The following COX19 variants were observed in gnomAD, a reference collection of about 807,000 sequenced individuals.
COX19 encodes the protein cytochrome c oxidase assembly protein COX19.
A neutral mutation model predicts 6.8 loss-of-function variants in COX19; 8 were observed. The observed-to-expected ratio is 1.18, with a 90% CI of 0.69 to 2.12. The LOEUF is 2.12. Among genes scored for constraint, COX19 ranks in the 30% most tolerant of loss-of-function variants. The probability of loss-of-function intolerance (pLI) is 0.00; values close to 1 mark genes in which losing one functional copy is unlikely to be tolerated. For missense variants in COX19, 131 were observed against 104.6 expected (o/e 1.25, Z -1.10); for synonymous variants, 51 against 38.0 (o/e 1.34, Z -1.26).
chr7:973,217 T>C lies in COX19; in HGVS notation c.158A>G (p.Lys53Arg), dbSNP rs779327518. The change falls in exon 2 of 3, where the codon AAG (lysine) becomes AGG (arginine). Residue 53 changes from lysine (K) to arginine (R), a missense_variant. Transcript: ENST00000344111. ...NNNFENALCRKESKEYLECRM... is the reference protein window; with the variant it reads ...NNNFENALCRRESKEYLECRM... ...GCATTCTAAATATTCTTTTGATTCC[T>C]TTCTGCACAAAGCATTTTCAAAATT... 6.2e-7 allele frequency: 1 copy of C among 1,605,718 alleles called. No homozygotes were observed. Among genetic ancestry groups the C allele is most frequent in the Admixed American group, 1.7e-5 (1 of 58,552 alleles).
Position 975,407 on chromosome 7 carries a change from C to A in COX19, c.82+21G>T. 4 of 1,565,844 alleles carry A rather than the reference C, an allele frequency of 2.6e-6. No individual in the cohort carries two copies. The South Asian group carries it at 3.5e-5, about 14-fold the overall frequency. On this transcript the variant is annotated intron_variant, in intron 1 of 2. Transcript: ENST00000344111. ...AGACCCCCCATCGCAGACCCCTGCC[C>A]GCCGACCTTCCGCCGCTCACCTAAG...
At chr7:971,274 C>T (rs1460490666) in intron 2 of COX19, among the ~76,000 whole-genome samples, 1 of 152,362 alleles carries the variant, frequency 6.6e-6, no homozygotes, top group South Asian at 2.1e-4. Flanking sequence ...ATTTTCACAT[C>T]AGGCAAACAT....
At chr7:974,042 T>C (rs1043078100) in intron 1 of COX19, among the ~76,000 whole-genome samples, 1 of 144,900 alleles carries the variant, frequency 6.9e-6, no homozygotes, top group East Asian at 2.0e-4. Flanking sequence ...AAAAAAACAA[T>C]AATAATTAGC....
At position 975,462 on chromosome 7, in the gene COX19, G is replaced by A. The variant is rs757943601; in HGVS notation, c.48C>T (p.Pro16=). 2.5e-6 allele frequency: 4 copies of A among 1,601,730 alleles called. No homozygotes were observed. The highest frequency in any genetic ancestry group is 1.7e-5 in the Admixed American group (1 of 59,110). ...CCAGCGGGAAGCTGCCCTTGTCCGG[G>A]GGCCGCGGCTGGAAGCTCTTGGTCC... ...NFGTKSFQPR[P]PDKGSFPLDH... is the part of the protein sequence containing the mutation. Residue 16 remains proline (P), a synonymous_variant, in exon 1 of 3, where the codon CCC becomes CCT. Coordinates refer to ENST00000344111, the MANE Select transcript of COX19 (RefSeq NM_001031617.3).
In COX19 at chr7:967,218, C is replaced by T. The variant is rs1427116510; in HGVS notation, c.*2160G>A. 1 of 152,172 alleles carries T rather than the reference C, an allele frequency of 6.6e-6. No homozygotes were observed. The highest frequency in any genetic ancestry group is 1.9e-4 in the East Asian group (1 of 5,196). 9.4% of individuals were successfully genotyped at this position (152,172 alleles called of 1,614,324 possible). A position where few individuals can be genotyped will look rare whatever the true frequency, so the allele number is the denominator to read the frequency against. On this transcript the variant is annotated 3_prime_UTR_variant, in exon 3 of 3. Transcript: ENST00000344111. ...GATCACAGGTACGTACAGGAAAAAA[C>T]AGCGCCTGGACAGGATTCGGGACTA...
At chr7:975,130 A>G (rs1031589756) in intron 1 of COX19, 4 of 359,034 alleles carry the variant, frequency 1.1e-5, no homozygotes, top group African/African-American at 2.1e-5. Flanking sequence ...CCGCTCTGCA[A>G]ACCCGGGGCA....
rs529679655 is a variant in COX19, at chr7:973,726, G to A, written c.83-434C>T. On this transcript the variant is annotated intron_variant, in intron 1 of 2. Transcript: ENST00000344111. ...CACGCCTGTAATCCTAGCACTTTGG[G>A]AGGCAGAGGTGGGCGGATCACCTGA... Among the ~76,000 whole-genome samples, 14 of 151,608 alleles carry A rather than the reference G, an allele frequency of 9.2e-5. No homozygotes were observed. In the South Asian group the frequency reaches 1.7e-3, roughly 18 times the overall value.
chr7:971,277 G>A (rs1847631641), intron 2 of COX19, among the ~76,000 whole-genome samples: 2 of 152,292 alleles, frequency 1.3e-5, no homozygotes, highest in Non-Finnish European at 1.5e-5. Context: ...TTCACATCAG[G>A]CAAACATGGT....
intron 1 of COX19, chr7:975,187 C>A (rs1847688011): frequency 2.3e-6 from 1 of 429,782 alleles, no homozygotes. Flanking sequence ...GACCCGGAAG[C>A]CTGACGCAAG....
Position 973,204 on chromosome 7 carries a change from T to C in COX19, c.171A>G (p.Glu57=). Residue 57 remains glutamate, a synonymous_variant, in exon 2 of 3, where the codon GAA becomes GAG. Coordinates refer to ENST00000344111, the MANE Select transcript of COX19 (RefSeq NM_001031617.3). ...ACCTCTCCATCCTGCATTCTAAATA[T>C]TCTTTTGATTCCTTTCTGCACAAAG... ...ENALCRKESK[E]YLECRMERKL... 6.2e-7 allele frequency: 1 copy of C among 1,600,816 alleles called. No homozygotes were observed. Among genetic ancestry groups the C allele is most frequent in the Non-Finnish European group, 8.5e-7 (1 of 1,174,298 alleles).
At position 965,578 on chromosome 7, in the gene COX19, A is replaced by G. The variant is rs1847540288; in HGVS notation, c.*3800T>C. Among the ~76,000 whole-genome samples, 1 of 152,100 alleles carries G rather than the reference A, an allele frequency of 6.6e-6. No individual in the cohort carries two copies. ...ACTGTCTCCTCGGAGGTCACTATGC[A>G]TCTCAAGGGGAGGTTTCTCAAGACA... is the stretch of plus-strand genomic sequence containing the variant. On this transcript the variant is annotated 3_prime_UTR_variant, in exon 3 of 3. Coordinates refer to ENST00000344111, the MANE Select transcript of COX19 (RefSeq NM_001031617.3).
chr7:975,470 G>C lies in COX19; in HGVS notation c.40C>G (p.Pro14Ala), dbSNP rs199952580. 7.1e-5 allele frequency: 114 copies of C among 1,602,362 alleles called. No homozygotes were observed. Among genetic ancestry groups the C allele is most frequent in the Non-Finnish European group, 8.8e-5 (104 of 1,175,958 alleles). Residue 14 changes from proline (P) to alanine (A), a missense_variant, in exon 1 of 3, where the codon CCG (proline) becomes GCG (alanine). Pro to Ala is a conservative substitution (Grantham distance 27). Transcript: ENST00000344111. ...AMNFGTKSFQ[P>A]RPPDKGSFPL... ...AAGCTGCCCTTGTCCGGGGGCCGCG[G>C]CTGGAAGCTCTTGGTCCCGAAATTC...
chr7:969,724 C>CTGCCCCCAGCA (rs1318505863), intron 2 of COX19, among the ~76,000 whole-genome samples: 1 of 152,172 alleles, frequency 6.6e-6, no homozygotes, highest in Admixed American at 6.5e-5. Flanking sequence ...GCTGCACCCG[C>CTGCCCCCAGCA]TGCCCCCAGC....
chr7:969,654 C>A (rs1019098869), intron 2 of COX19, among the ~76,000 whole-genome samples, 198 bp from the exon 3 acceptor site: 1 of 152,124 alleles, frequency 6.6e-6, no homozygotes, highest in East Asian at 1.9e-4. Context: ...GAGGACATGA[C>A]CACCTAGAGA....
At position 965,620 on chromosome 7, in the gene COX19, C is replaced by T. The variant is rs1018963215; in HGVS notation, c.*3758G>A. On this transcript the variant is annotated 3_prime_UTR_variant, in exon 3 of 3. Coordinates refer to ENST00000344111, the MANE Select transcript of COX19 (RefSeq NM_001031617.3). ...CTCAAGACAGCAGACACCTGCTTCA[C>T]ACCACACGTCACCACTCACTTCATG... is the stretch of plus-strand genomic sequence containing the variant. 1.3e-5 allele frequency among the ~76,000 whole-genome samples: 2 copies of T among 152,218 alleles called. No homozygotes were observed. Among genetic ancestry groups the T allele is most frequent in the Non-Finnish European group, 2.9e-5 (2 of 68,036 alleles).
chr7:969,506 GA>G (rs758144400), intron 2 of COX19, 50 bp from the exon 3 acceptor site: 29 of 1,225,882 alleles, frequency 2.4e-5, no homozygotes, highest in Admixed American at 8.9e-5. Flanking sequence ...GAGAGGACAA[GA>G]GGGGCCCTTG....
At chr7:970,439 A>ATT (rs1171573366) in intron 2 of COX19, among the ~76,000 whole-genome samples, 41 of 121,214 alleles carry the variant, frequency 3.4e-4, no homozygotes, top group Non-Finnish European at 4.6e-4. Context: ...CGGCCAGCTA[A>ATT]TTTTTTTTTT....
Position 968,322 on chromosome 7 carries a change from G to A in COX19, c.*1056C>T, listed in dbSNP as rs1847588662. 6.6e-6 allele frequency: 1 copy of A among 152,318 alleles called. No individual in the cohort carries two copies. The highest frequency in any genetic ancestry group is 6.5e-5 in the Admixed American group (1 of 15,294). The allele number at this position is 152,318 out of a possible 1,614,324, so 9.4% of individuals were successfully genotyped here. A position where few individuals can be genotyped will look rare whatever the true frequency, so the allele number is the denominator to read the frequency against. ...GGCAGCCTGTTTCCCAGAGCCTGAG[G>A]TCGGCCAGATTGGTGGCCCCACCTG... On this transcript the variant is annotated 3_prime_UTR_variant, in exon 3 of 3. Transcript: ENST00000344111.
chr7:969,594 C>T (rs1327918048), intron 2 of COX19, 138 bp from the exon 3 acceptor site: 3 of 686,124 alleles, frequency 4.4e-6, no homozygotes, highest in Non-Finnish European at 5.1e-6. Flanking sequence ...CCCTCGGCCT[C>T]GGCCCCCGTG....
Sources: allele counts gnomAD v4.1 joint callset (sites outside exome capture counted in the v4.1 genomes callset), GRCh38; gene constraint gnomAD v4.1.1; transcripts MANE v1.5; gene names NCBI Gene and HGNC (gene_info 2026-07-23, HGNC 2026-07-21).